AHI1: variants seen among roughly 807,000 people sequenced by gnomAD.
AHI1 encodes the protein jouberin.
AHI1 carries 123 observed loss-of-function variants against 149.3 expected under a neutral mutation model. That is an observed-to-expected ratio of 0.82 (90% CI 0.71 to 0.96). The LOEUF (loss-of-function observed/expected upper bound fraction) is 0.96, where lower values mean the gene tolerates loss of function less well. Ranked by LOEUF, AHI1 falls within the 40% of genes least tolerant of loss-of-function variation. The pLI, the probability that AHI1 is intolerant of heterozygous loss-of-function variation, is 0.00. For synonymous variants in AHI1, 475 were observed against 459.8 expected (o/e 1.03, Z -0.42); for missense variants, 1,439 against 1,422.7 (o/e 1.01, Z -0.18).
At chr6:135,333,373 A>C (rs904945964) in intron 24 of AHI1, among the ~76,000 whole-genome samples, 1 of 152,206 alleles carries the variant, frequency 6.6e-6, no homozygotes, top group African/African-American at 2.4e-5. Flanking sequence ...ATTTCATAAG[A>C]GGAATAAAGA....
chr6:135,454,407 A>G (rs749671097), intron 10 of AHI1, among the ~76,000 whole-genome samples: 1 of 152,212 alleles, frequency 6.6e-6, no homozygotes, highest in Non-Finnish European at 1.5e-5. Context: ...TAAATTTAAC[A>G]AAAATTATAA....
chr6:135,407,569 A>G (rs1780966717), intron 21 of AHI1, among the ~76,000 whole-genome samples: 1 of 152,224 alleles, frequency 6.6e-6, no homozygotes, highest in South Asian at 2.1e-4. Flanking sequence ...GGCAGCTTCT[A>G]TCTACCTCAA....
intron 12 of AHI1, among the ~76,000 whole-genome samples, chr6:135,447,813 TC>T (rs1166755612): frequency 3.9e-5 from 6 of 152,034 alleles, no homozygotes; most frequent in Non-Finnish European, 8.8e-5. Context: ...AAATCAGGAG[TC>T]TGCAAACTGC....
intron 23 of AHI1, among the ~76,000 whole-genome samples, chr6:135,369,053 G>GC (rs1774635087): frequency 6.6e-6 from 1 of 152,206 alleles, no homozygotes; most frequent in African/African-American, 2.4e-5. Flanking sequence ...AGTCAGGAAT[G>GC]CAGGAATGGC....
At chr6:135,457,442 ACTT>A in intron 9 of AHI1, 49 bp downstream of exon 9, 1 of 1,384,974 alleles carries the variant, frequency 7.2e-7, no homozygotes, top group Non-Finnish European at 1.0e-6. Context: ...CAGAAAAAAG[ACTT>A]CTACTAGTTT....
intron 5 of AHI1, among the ~76,000 whole-genome samples, chr6:135,473,597 T>G (rs2128109036): frequency 6.6e-6 from 1 of 152,298 alleles, no homozygotes; most frequent in East Asian, 1.9e-4. Flanking sequence ...ACAGATCATT[T>G]GTCAGAGAAC....
chr6:135,290,912 A>AC (rs1244899140), intron 27 of AHI1, among the ~76,000 whole-genome samples: 12 of 146,082 alleles, frequency 8.2e-5, no homozygotes, highest in African/African-American at 3.3e-4. Context: ...AAACACACAC[A>AC]AACACACACA....
chr6:135,388,037 G>C, intron 23 of AHI1: 1 of 1,613,568 alleles, frequency 6.2e-7, no homozygotes, highest in Non-Finnish European at 8.5e-7. Flanking sequence ...TGACTGTCTG[G>C]AAAACAAATT....
At chr6:135,362,339 T>C (rs1794032820) in intron 23 of AHI1, among the ~76,000 whole-genome samples, 1 of 152,166 alleles carries the variant, frequency 6.6e-6, no homozygotes, top group Non-Finnish European at 1.5e-5. Context: ...AAGCGCTACT[T>C]TTCTTAGGTT....
rs1776025303 is a variant in AHI1 at position 135,376,921 on chromosome 6, A to AAAAAG, written c.3109+17854_3109+17855insCTTTT. On this transcript the variant is annotated intron_variant, in intron 23 of 28. Transcript: ENST00000265602. The stretch of plus-strand genomic sequence containing the variant: ...AAAAAAAAAAAAAAAAAAAAAAAAA[A>AAAAAG]GTTGGTCCAGTTTGACTCAAAAGTC... 2.7e-4 allele frequency among the ~76,000 whole-genome samples: 35 copies of AAAAAG among 128,798 alleles called. 1 individual carries two copies. The highest frequency in any genetic ancestry group is 1.0e-3 in the African/African-American group (35 of 35,118). 84.5% of individuals were successfully genotyped at this position (128,798 alleles called of 152,430 possible). A position where few individuals can be genotyped will look rare whatever the true frequency, so the allele number is the denominator to read the frequency against.
rs148000791 is a variant in AHI1, at chr6:135,323,233, T to C, written c.3257A>G (p.Glu1086Gly). 1.5e-3 allele frequency: 2,450 copies of C among 1,613,910 alleles called. 45 individuals carry two copies. In the East Asian group the frequency reaches 0.043, roughly 28 times the overall value. The part of the protein sequence containing the change: ...DIIRVFFKDN[E>G]DWWYGSIGKG... Reference sequence around the variant, plus strand: ...TCCTATGCTGCCATACCACCAGTCTTCATTATCTTTGAAAAACACTCGGAT... The same window carrying C: ...TCCTATGCTGCCATACCACCAGTCTCCATTATCTTTGAAAAACACTCGGAT... The change falls in exon 25 of 29, where the codon GAA becomes GGA. Residue 1086 changes from glutamate to glycine, a missense_variant. Coordinates refer to ENST00000265602, the MANE Select transcript of AHI1 (RefSeq NM_001134831.2).
intron 26 of AHI1, among the ~76,000 whole-genome samples, chr6:135,309,285 C>G (rs1021015587): frequency 6.6e-6 from 1 of 152,026 alleles, no homozygotes; most frequent in African/African-American, 2.4e-5. Flanking sequence ...GGGATACCAC[C>G]CACCTTCTTT....
chr6:135,451,648 A>G (rs185750389), intron 11 of AHI1, among the ~76,000 whole-genome samples: 57 of 152,264 alleles, frequency 3.7e-4, no homozygotes, highest in African/African-American at 1.4e-3. Context: ...ATTTTTGCCA[A>G]TGGCATAAGA....
intron 23 of AHI1, among the ~76,000 whole-genome samples, chr6:135,383,562 A>G (rs139307940): frequency 6.6e-6 from 1 of 152,184 alleles, no homozygotes; most frequent in East Asian, 1.9e-4. Flanking sequence ...AAGTGTTGGG[A>G]TTACAGGTAT....
At chr6:135,297,715 A>C (rs563458461) in intron 27 of AHI1, among the ~76,000 whole-genome samples, 147 of 152,304 alleles carry the variant, frequency 9.7e-4, no homozygotes, top group Middle Eastern at 3.4e-3. Flanking sequence ...AAAGGCAGAA[A>C]ACGGATAATA....
intron 24 of AHI1, among the ~76,000 whole-genome samples, chr6:135,327,847 G>C (rs976319533): frequency 2.6e-5 from 4 of 152,208 alleles, no homozygotes; most frequent in African/African-American, 9.6e-5. Flanking sequence ...GGTTCCAGGA[G>C]AGTCATGCCC....
chr6:135,485,150 T>C (rs982499259), intron 5 of AHI1, among the ~76,000 whole-genome samples: 1 of 152,044 alleles, frequency 6.6e-6, no homozygotes, highest in Non-Finnish European at 1.5e-5. Context: ...CTAGGCTCAC[T>C]GAAACCTCCA....
chr6:135,471,387 A>G (rs1791667501), intron 5 of AHI1, among the ~76,000 whole-genome samples: 1 of 152,174 alleles, frequency 6.6e-6, no homozygotes, highest in African/African-American at 2.4e-5. Flanking sequence ...ATAGCATTAC[A>G]CTGACATTTT....
chr6:135,285,022 T>G lies in AHI1; in HGVS notation c.*623A>C, dbSNP rs1781534530. Reference sequence around the variant, plus strand: ...TAGATGGGATTACAGGTGCCTGCCATGAGACCCGGCTGATTTTTGTATTTT... The same window carrying G: ...TAGATGGGATTACAGGTGCCTGCCAGGAGACCCGGCTGATTTTTGTATTTT... On this transcript the variant is annotated 3_prime_UTR_variant, in exon 29 of 29. Coordinates refer to ENST00000265602, the MANE Select transcript of AHI1 (RefSeq NM_001134831.2). 1.3e-5 allele frequency: 2 copies of G among 153,160 alleles called. No homozygotes were observed. The highest frequency in any genetic ancestry group is 4.1e-4 in the South Asian group (2 of 4,876). The allele number at this position is 153,160 out of a possible 1,614,324, so 9.5% of individuals were successfully genotyped here.
Sources: gnomAD v4.1 joint callset for allele counts (sites outside exome capture counted in the v4.1 genomes callset) on GRCh38, gnomAD v4.1.1 for gene constraint, MANE v1.5 for transcripts, NCBI Gene and HGNC (gene_info 2026-07-23, HGNC 2026-07-21) for gene names.